The following HGSNAT variants were observed in gnomAD, a reference collection of about 807,000 sequenced individuals.
The protein encoded by HGSNAT is heparan-alpha-glucosaminide N-acetyltransferase, also known as transmembrane protein 76.
A neutral mutation model predicts 85.2 loss-of-function variants in HGSNAT; 59 were observed. The observed-to-expected ratio is 0.69, with a 90% CI of 0.56 to 0.86. HGSNAT has a LOEUF of 0.86. Among genes scored for constraint, HGSNAT ranks in the 40% least tolerant of loss-of-function variants. HGSNAT has a pLI of 0.00. For missense variants in HGSNAT, 756 were observed against 777.1 expected (o/e 0.97, Z 0.32); for synonymous variants, 321 against 304.5 (o/e 1.05, Z -0.56).
chr8:43,172,191 G>C, intron 7 of HGSNAT, 119 bp from the exon 8 acceptor site: 1 of 778,078 alleles, frequency 1.3e-6, no homozygotes, highest in Admixed American at 1.8e-5. Flanking sequence ...GTAATAAAAT[G>C]CTCAGTAGAA....
intron 10 of HGSNAT, among the ~76,000 whole-genome samples, chr8:43,178,521 G>A (rs1208425369): frequency 6.6e-6 from 1 of 151,632 alleles, no homozygotes; most frequent in Non-Finnish European, 1.5e-5. Context: ...TGTAGTGAGA[G>A]GCACAGCAGG....
intron 11 of HGSNAT, among the ~76,000 whole-genome samples, chr8:43,182,700 C>T (rs1024644684): frequency 2.6e-5 from 4 of 152,066 alleles, no homozygotes; most frequent in African/African-American, 4.8e-5. Context: ...CCTGCCTCGG[C>T]CTCACAAATT....
chr8:43,157,386 T>C (rs780099187), intron 2 of HGSNAT, among the ~76,000 whole-genome samples: 11 of 152,236 alleles, frequency 7.2e-5, no homozygotes, highest in Non-Finnish European at 1.3e-4. Flanking sequence ...ATTTAACTAA[T>C]ATTTGGTCAT....
intron 17 of HGSNAT, 52 bp downstream of exon 17, chr8:43,198,004 C>T: frequency 2.3e-6 from 3 of 1,306,798 alleles, no homozygotes; most frequent in East Asian, 2.4e-5. Context: ...AGGAGGCAGG[C>T]CCAGGGACCT....
chr8:43,173,721 G>A lies in HGSNAT; in HGVS notation c.829G>A (p.Val277Met). The A allele has an allele frequency of 1.2e-6, 2 of 1,613,250 alleles. No homozygotes were observed. Among genetic ancestry groups the A allele is most frequent in the South Asian group, 1.1e-5 (1 of 90,884 alleles). ...TTGTACTTGTTCTGCAGGGCTGACA[G>A]TGGCTGACCTCGTGTTCCCGTGGTG... ...FKHASWNGLTVADLVFPWFVF... is the reference protein window; with the variant it reads ...FKHASWNGLTMADLVFPWFVF... The change falls in exon 9 of 18, where the codon GTG becomes ATG. Residue 277 changes from valine to methionine, a missense_variant. Transcript: ENST00000379644.
intron 2 of HGSNAT, among the ~76,000 whole-genome samples, chr8:43,151,067 A>T (rs1180471006): frequency 6.6e-6 from 1 of 152,210 alleles, no homozygotes; most frequent in Non-Finnish European, 1.5e-5. Context: ...CACCCTAAAT[A>T]AAAAGGCACC....
chr8:43,190,595 C>T (rs189583361), intron 11 of HGSNAT, among the ~76,000 whole-genome samples: 18 of 152,226 alleles, frequency 1.2e-4, no homozygotes, highest in Admixed American at 2.6e-4. Flanking sequence ...TGAGGGTCCG[C>T]GGAGGTGCAT....
chr8:43,183,743 G>A (rs779250354), intron 11 of HGSNAT, among the ~76,000 whole-genome samples: 20 of 151,994 alleles, frequency 1.3e-4, no homozygotes, highest in African/African-American at 1.7e-4. Flanking sequence ...CCGTTAACTC[G>A]TCATTTACAT....
At chr8:43,192,965 C>T (rs551163973) in intron 13 of HGSNAT, among the ~76,000 whole-genome samples, 8 of 152,268 alleles carry the variant, frequency 5.3e-5, no homozygotes, top group South Asian at 4.1e-4. Context: ...TTGACCTGCA[C>T]GGTCAACTTT....
intron 2 of HGSNAT, among the ~76,000 whole-genome samples, chr8:43,148,569 CCT>C (rs1802787263): frequency 6.6e-6 from 1 of 151,592 alleles, no homozygotes; most frequent in African/African-American, 2.4e-5. Flanking sequence ...GGGTGGATCA[CCT>C]GAGGTCTGGA....
intron 2 of HGSNAT, among the ~76,000 whole-genome samples, chr8:43,148,041 G>C (rs761674899): frequency 1.3e-4 from 20 of 152,082 alleles, no homozygotes; most frequent in Non-Finnish European, 2.5e-4. Context: ...TCAGGAGTTC[G>C]AGACCAGCCT....
intron 7 of HGSNAT, among the ~76,000 whole-genome samples, chr8:43,171,345 A>G (rs1803620728): frequency 6.6e-6 from 1 of 152,224 alleles, no homozygotes; most frequent in East Asian, 1.9e-4. Context: ...AGCAGGTAGT[A>G]AGAACAATAT....
intron 10 of HGSNAT, among the ~76,000 whole-genome samples, chr8:43,179,504 C>T (rs1425100783): frequency 7.8e-6 from 1 of 127,518 alleles, no homozygotes; most frequent in Non-Finnish European, 1.7e-5. Flanking sequence ...TGACCCCCCC[C>T]ACCTCCCTCC....
intron 9 of HGSNAT, among the ~76,000 whole-genome samples, chr8:43,175,717 C>A (rs1803788226): frequency 6.6e-6 from 1 of 151,510 alleles, no homozygotes; most frequent in Non-Finnish European, 1.5e-5. Context: ...AGGTGCGCAC[C>A]ACCACACCTG....
rs752263596 is a variant in HGSNAT at position 43,158,817 on chromosome 8, G to A, written c.371+106G>A. The A allele has an allele frequency of 4.2e-5, 63 of 1,498,804 alleles. 1 individual carries two copies. The Middle Eastern group carries it at 7.5e-4, about 18-fold the overall frequency. 92.8% of individuals were successfully genotyped at this position (1,498,804 alleles called of 1,614,324 possible). ...ACAGTATTTTTCTTTATCTTTTCTGGTCCGTACCCAGGAACATGTATTATT... is the reference window on the plus strand; with the variant it reads ...ACAGTATTTTTCTTTATCTTTTCTGATCCGTACCCAGGAACATGTATTATT... On this transcript the variant is annotated intron_variant, in intron 3 of 17. Coordinates refer to ENST00000379644, the MANE Select transcript of HGSNAT (RefSeq NM_152419.3).
intron 5 of HGSNAT, among the ~76,000 whole-genome samples, chr8:43,163,521 CTTT>C (rs561461706): frequency 7.0e-6 from 1 of 143,384 alleles, no homozygotes. Flanking sequence ...CCTTTTCACC[CTTT>C]TTTTTTTTTT....
chr8:43,178,382 G>A, intron 10 of HGSNAT, 148 bp downstream of exon 10: 1 of 548,538 alleles, frequency 1.8e-6, no homozygotes, highest in East Asian at 3.1e-5. Context: ...GTCTAACTGT[G>A]AGCATTATTA....
At chr8:43,186,605 G>T (rs545091813) in intron 11 of HGSNAT, among the ~76,000 whole-genome samples, 100 of 152,076 alleles carry the variant, frequency 6.6e-4, no homozygotes, top group Admixed American at 1.6e-3. Flanking sequence ...TGGATTCATT[G>T]ATTTTTTTGA....
chr8:43,189,807 AG>A (rs1236706919), intron 11 of HGSNAT, among the ~76,000 whole-genome samples: 1 of 152,216 alleles, frequency 6.6e-6, no homozygotes, highest in Non-Finnish European at 1.5e-5. Context: ...TGTGTTAGCC[AG>A]GATGGTCTCG....
Sources: allele counts gnomAD v4.1 joint callset (sites outside exome capture counted in the v4.1 genomes callset), GRCh38; gene constraint gnomAD v4.1.1; transcripts MANE v1.5; gene names NCBI Gene and HGNC (gene_info 2026-07-23, HGNC 2026-07-21).